The following ARHGAP32 variants were observed in gnomAD, a reference collection of about 807,000 sequenced individuals.
ARHGAP32 encodes the protein Rho GTPase activating protein 32.
In ARHGAP32, 51 loss-of-function variants were observed where a neutral mutation model predicts 186.5. That is an observed-to-expected ratio of 0.27 (90% CI 0.22 to 0.35). The LOEUF (loss-of-function observed/expected upper bound fraction) is 0.35, where lower values mean the gene tolerates loss of function less well. ARHGAP32 is among the 10% of genes least tolerant of loss of function. The pLI, the probability that ARHGAP32 is intolerant of heterozygous loss-of-function variation, is 1.00. For missense variants in ARHGAP32, 2,186 were observed against 2,623.5 expected (o/e 0.83, Z 3.64); for synonymous variants, 950 against 964.3 (o/e 0.99, Z 0.27).
chr11:129,085,900 A>G (rs996546807), intron 6 of ARHGAP32, among the ~76,000 whole-genome samples: 9 of 152,040 alleles, frequency 5.9e-5, no homozygotes, highest in African/African-American at 2.2e-4. Context: ...AGGCTGAGGC[A>G]GCAGAAAGGC....
chr11:129,023,604 A>G (rs1473354292), intron 11 of ARHGAP32, among the ~76,000 whole-genome samples: 2 of 152,234 alleles, frequency 1.3e-5, no homozygotes, highest in Admixed American at 1.3e-4. Flanking sequence ...AAAAAAAGAT[A>G]TTTCTTGAAA....
intron 6 of ARHGAP32, among the ~76,000 whole-genome samples, chr11:129,085,925 C>G (rs1198828215): frequency 6.6e-6 from 1 of 150,888 alleles, no homozygotes; most frequent in Non-Finnish European, 1.5e-5. Context: ...ACCCGGGAGG[C>G]AGAGCTTGCA....
At chr11:128,990,135 C>A (rs949820013) in intron 12 of ARHGAP32, among the ~76,000 whole-genome samples, 1 of 152,156 alleles carries the variant, frequency 6.6e-6, no homozygotes, top group Non-Finnish European at 1.5e-5. Context: ...TCTAGCTGGA[C>A]TCTCTCCCAT....
intron 2 of ARHGAP32, among the ~76,000 whole-genome samples, chr11:129,141,159 A>G (rs1174582099): frequency 6.6e-6 from 1 of 152,248 alleles, no homozygotes; most frequent in Non-Finnish European, 1.5e-5. Flanking sequence ...TTTAAAAATC[A>G]TATTCCCAGA....
At chr11:129,074,497 T>G (rs1298284802) in intron 6 of ARHGAP32, among the ~76,000 whole-genome samples, 1 of 151,956 alleles carries the variant, frequency 6.6e-6, no homozygotes, top group Non-Finnish European at 1.5e-5. Context: ...AAAAAAAAAT[T>G]TTTCTTCTTT....
intron 1 of ARHGAP32, among the ~76,000 whole-genome samples, chr11:129,228,847 T>C (rs1051181457): frequency 2.6e-5 from 4 of 152,106 alleles, no homozygotes; most frequent in South Asian, 2.1e-4. Flanking sequence ...TGCACATGTA[T>C]CCCAGAACTT....
chr11:129,237,725 A>G (rs1409755474), intron 1 of ARHGAP32, among the ~76,000 whole-genome samples: 1 of 152,182 alleles, frequency 6.6e-6, no homozygotes, highest in Non-Finnish European at 1.5e-5. Context: ...CTCCAGAAAT[A>G]GGGCCAAACC....
At chr11:129,194,764 G>T (rs1371090943), upstream of ARHGAP32, among the ~76,000 whole-genome samples, 1 of 151,222 alleles carries the variant, frequency 6.6e-6, no homozygotes, top group African/African-American at 2.4e-5. Flanking sequence ...AAAAAAAAAA[G>T]AAGAAAGAAA....
Position 128,969,797 on chromosome 11 carries a change from G to A in ARHGAP32, c.5416C>T (p.Leu1806=), listed in dbSNP as rs1945307928. Residue 1806 remains leucine, a synonymous_variant, in exon 23 of 23, where the codon CTG becomes TTG. Coordinates refer to ENST00000682385, the MANE Select transcript of ARHGAP32 (RefSeq NM_001378024.1). The surrounding 1 kb of genome is among the most constrained non-coding windows in gnomAD (Gnocchi z 4.8). ...DDLGGIYVIH[L]RSKSDPGKTG... ...TTCCCAGGATCTGATTTACTACGCAGATGGATGACATAGATCCCACCCAAG... is the reference window on the plus strand; with the variant it reads ...TTCCCAGGATCTGATTTACTACGCAAATGGATGACATAGATCCCACCCAAG... 1.2e-6 allele frequency: 2 copies of A among 1,614,178 alleles called. No individual in the cohort carries two copies.
chr11:129,235,702 C>T (rs1028614373), intron 1 of ARHGAP32, among the ~76,000 whole-genome samples: 1 of 152,038 alleles, frequency 6.6e-6, no homozygotes, highest in Non-Finnish European at 1.5e-5. Context: ...ATCTCTCCCC[C>T]TTCCCCACTA....
chr11:129,234,516 T>A (rs1412032225), intron 1 of ARHGAP32, among the ~76,000 whole-genome samples: 3 of 152,204 alleles, frequency 2.0e-5, no homozygotes, highest in East Asian at 1.9e-4. Context: ...TGTACTTTTC[T>A]GTGTATGTTG....
intron 18 of ARHGAP32, among the ~76,000 whole-genome samples, chr11:128,980,319 TA>T (rs1356784967): frequency 3.9e-5 from 6 of 152,338 alleles, no homozygotes; most frequent in South Asian, 4.1e-4. Flanking sequence ...ATTTTCCCTA[TA>T]CCACTGATGT....
rs1351604478 is a variant in ARHGAP32 at position 128,965,261 on chromosome 11, A to G, written c.*3646T>C. 6.6e-6 allele frequency: 1 copy of G among 151,780 alleles called. No individual in the cohort carries two copies. The highest frequency in any genetic ancestry group is 2.4e-5 in the African/African-American group (1 of 41,304). 9.4% of individuals were successfully genotyped at this position (151,780 alleles called of 1,614,324 possible). A position where few individuals can be genotyped will look rare whatever the true frequency, so the allele number is the denominator to read the frequency against. ...TTCAAATAAGTTTGCAAGAAATGAG[A>G]CTCTAAATATTTACATATGGGGCAA... On this transcript the variant is annotated 3_prime_UTR_variant, in exon 23 of 23. Transcript: ENST00000682385.
Position 128,969,652 on chromosome 11 carries a change from T to C in ARHGAP32, c.5561A>G (p.His1854Arg). 6.2e-7 allele frequency: 1 copy of C among 1,614,106 alleles called. No individual in the cohort carries two copies. Among genetic ancestry groups the C allele is most frequent in the East Asian group, 2.2e-5 (1 of 44,880 alleles). ...RHPEAEMDRAHHHGGHGSTQP... is the reference protein window; with the variant it reads ...RHPEAEMDRARHHGGHGSTQP... ...CGTGCTACCATGGCCTCCGTGATGG[T>C]GGGCTCTGTCCATCTCTGCCTCGGG... is the stretch of plus-strand genomic sequence containing the variant. Residue 1854 changes from histidine to arginine, a missense_variant, in exon 23 of 23, where the codon CAC becomes CGC. His to Arg is a conservative substitution (Grantham distance 29). Around this residue, in one of 5 missense-constraint regions of ARHGAP32, gnomAD observed 1,502 missense variants for 1,570.0 expected, o/e 0.96. Transcript: ENST00000682385. This position sits in a 1 kb window ranked among gnomAD's most constrained non-coding sequence, Gnocchi z 4.8.
chr11:129,100,054 C>T (rs1426001985), intron 5 of ARHGAP32, among the ~76,000 whole-genome samples: 1 of 152,170 alleles, frequency 6.6e-6, no homozygotes, highest in Admixed American at 6.5e-5. Context: ...CAGAGACCCC[C>T]CTTTGACCAC....
chr11:129,023,883 G>T, intron 11 of ARHGAP32: 1 of 984,744 alleles, frequency 1.0e-6, no homozygotes, highest in South Asian at 4.7e-5. Context: ...CAAGTTTTAA[G>T]ATCAATACTT....
chr11:129,174,341 G>A (rs1468387083), intron 1 of ARHGAP32, among the ~76,000 whole-genome samples: 2 of 152,184 alleles, frequency 1.3e-5, no homozygotes, highest in African/African-American at 2.4e-5. Flanking sequence ...AGATCAAACT[G>A]CTAGGCGGCA....
chr11:128,982,052 C>G, intron 15 of ARHGAP32, 116 bp from the exon 16 acceptor site: 1 of 607,832 alleles, frequency 1.6e-6, no homozygotes, highest in South Asian at 2.9e-5. Context: ...AGGGACCATA[C>G]AAACCCAAGA....
rs191843103 is a variant in ARHGAP32 at position 129,034,211 on chromosome 11, G to C, written c.1045+6717C>G. Among the ~76,000 whole-genome samples the C allele has an allele frequency of 2.7e-3, 411 of 152,208 alleles. 4 individuals carry two copies. The highest frequency in any genetic ancestry group is 9.4e-3 in the African/African-American group (390 of 41,526). On this transcript the variant is annotated intron_variant, in intron 11 of 22. Coordinates refer to ENST00000682385, the MANE Select transcript of ARHGAP32 (RefSeq NM_001378024.1). Reference sequence around the variant, plus strand: ...TATGATGACCTCCTCTACTCCATCAGCAGATATCCTAGGGGAATAATGTCT... The same window carrying C: ...TATGATGACCTCCTCTACTCCATCACCAGATATCCTAGGGGAATAATGTCT...
Sources: allele counts gnomAD v4.1 joint callset (sites outside exome capture counted in the v4.1 genomes callset), GRCh38; gene constraint gnomAD v4.1.1; regional missense constraint gnomAD v4.1.1; non-coding constraint Gnocchi (gnomAD v3.1); transcripts MANE v1.5; gene names NCBI Gene and HGNC (gene_info 2026-07-23, HGNC 2026-07-21).